The following LHFPL2 variants were observed in gnomAD, a reference collection of about 807,000 sequenced individuals.
LHFPL2 encodes the protein LHFPL tetraspan subfamily member 2 protein.
A neutral mutation model predicts 17.5 loss-of-function variants in LHFPL2; 7 were observed. The observed-to-expected ratio is 0.40, with a 90% CI of 0.23 to 0.75. The LOEUF is 0.75. Ranked by LOEUF, LHFPL2 falls within the 30% of genes least tolerant of loss-of-function variation. The pLI is 0.37. For synonymous variants in LHFPL2, 134 were observed against 116.2 expected, an observed-to-expected ratio of 1.15 and a Z score of -0.99; for missense variants, 241 against 294.8, an observed-to-expected ratio of 0.82 and a Z score of 1.34.
rs913168517 is a variant in LHFPL2 at position 78,600,512 on chromosome 5, T to C, written c.-245+31752A>G. ...GGGAGGCTGAGGCAGGTGGATAACC[T>C]GAGGTCAGGAGTTCAAGACCAGCCT... On this transcript the variant is annotated intron_variant, in intron 2 of 4. Transcript: ENST00000380345. Among the ~76,000 whole-genome samples the C allele has an allele frequency of 7.2e-5, 11 of 152,144 alleles. 1 individual carries two copies. The highest frequency in any genetic ancestry group is 4.4e-5 in the Non-Finnish European group (3 of 68,020).
chr5:78,508,769 TC>T (rs1477574416), intron 4 of LHFPL2, among the ~76,000 whole-genome samples: 1 of 152,226 alleles, frequency 6.6e-6, no homozygotes, highest in African/African-American at 2.4e-5. Context: ...CCTGTGCCCT[TC>T]ATTTAGTGTT....
intron 2 of LHFPL2, among the ~76,000 whole-genome samples, chr5:78,582,515 C>A (rs971691768): frequency 6.6e-6 from 1 of 151,330 alleles, no homozygotes; most frequent in Non-Finnish European, 1.5e-5. Context: ...CAAAGAACAT[C>A]TTTATTTGTG....
intron 3 of LHFPL2, among the ~76,000 whole-genome samples, chr5:78,562,157 G>A (rs185476921): frequency 1.3e-5 from 2 of 152,272 alleles, no homozygotes; most frequent in South Asian, 2.1e-4. Flanking sequence ...CGTATCACAC[G>A]CATTCCCATC....
chr5:78,583,449 C>A (rs1168267842), intron 2 of LHFPL2, among the ~76,000 whole-genome samples: 2 of 149,512 alleles, frequency 1.3e-5, no homozygotes, highest in African/African-American at 4.9e-5. Context: ...TTTAGCGCTT[C>A]CTTCAGGAGC....
chr5:78,635,810 A>G (rs1042778528), intron 1 of LHFPL2, among the ~76,000 whole-genome samples: 3 of 151,988 alleles, frequency 2.0e-5, no homozygotes, highest in Non-Finnish European at 1.5e-5. Context: ...CTCAAAAACA[A>G]ACAAACAAAC....
chr5:78,584,062 C>T (rs2112448839), intron 2 of LHFPL2, among the ~76,000 whole-genome samples: 1 of 152,056 alleles, frequency 6.6e-6, no homozygotes, highest in South Asian at 2.1e-4. Context: ...CCCTTTCTTC[C>T]AGTTGATCGC....
chr5:78,610,253 T>C (rs1214754103), intron 2 of LHFPL2, among the ~76,000 whole-genome samples: 1 of 152,008 alleles, frequency 6.6e-6, no homozygotes, highest in Non-Finnish European at 1.5e-5. Context: ...GAATGCAGGG[T>C]CCTCATTCAG....
At chr5:78,510,955 A>G (rs1755100982) in intron 3 of LHFPL2, among the ~76,000 whole-genome samples, 1 of 150,986 alleles carries the variant, frequency 6.6e-6, no homozygotes. Flanking sequence ...AATTACTAGC[A>G]GAGACATAAG....
chr5:78,582,408 C>G, intron 2 of LHFPL2, among the ~76,000 whole-genome samples: 2 of 149,134 alleles, frequency 1.3e-5, no homozygotes, highest in Non-Finnish European at 1.5e-5. Flanking sequence ...TTCCTGCTTT[C>G]TCTTGTGGGC....
intron 3 of LHFPL2, among the ~76,000 whole-genome samples, chr5:78,556,001 T>A (rs1756563282): frequency 6.6e-6 from 1 of 152,104 alleles, no homozygotes; most frequent in African/African-American, 2.4e-5. Flanking sequence ...CAGAGTGGAA[T>A]CAAAAGTACC....
intron 3 of LHFPL2, among the ~76,000 whole-genome samples, chr5:78,546,212 C>T (rs888875190): frequency 2.0e-5 from 3 of 152,282 alleles, no homozygotes; most frequent in Non-Finnish European, 2.9e-5. Flanking sequence ...CTCTTTTCTA[C>T]GATAAAGATC....
At position 78,538,679 on chromosome 5, in the gene LHFPL2, G is replaced by C. The variant is rs112172489; in HGVS notation, c.-186+26134C>G. ...GCCCATGACACCATCACCTGCATCT[G>C]CTTATTCTTTCCACTGACTCTGAAG... On this transcript the variant is annotated intron_variant, in intron 3 of 4. Transcript: ENST00000380345. Among the ~76,000 whole-genome samples, 955 of 152,278 alleles carry C rather than the reference G, an allele frequency of 6.3e-3. 5 individuals are homozygous for C. Among genetic ancestry groups the C allele is most frequent in the Non-Finnish European group, 0.011 (721 of 68,028 alleles).
chr5:78,591,959 T>C (rs932903574), intron 2 of LHFPL2, among the ~76,000 whole-genome samples: 1 of 152,226 alleles, frequency 6.6e-6, no homozygotes, highest in East Asian at 1.9e-4. Context: ...TGAGAACTGA[T>C]TCCTAGAGAC....
intron 3 of LHFPL2, among the ~76,000 whole-genome samples, chr5:78,536,231 G>A (rs748968258): frequency 6.6e-6 from 1 of 152,172 alleles, no homozygotes; most frequent in Non-Finnish European, 1.5e-5. Flanking sequence ...CGTACCAAGT[G>A]GGGCTTGGCC....
intron 3 of LHFPL2, among the ~76,000 whole-genome samples, chr5:78,515,270 C>T (rs562834407): frequency 5.3e-5 from 8 of 152,236 alleles, no homozygotes; most frequent in African/African-American, 1.9e-4. Flanking sequence ...CCTATTCCAC[C>T]CCATCCCAAT....
At chr5:78,556,919 A>G (rs999297211) in intron 3 of LHFPL2, among the ~76,000 whole-genome samples, 2 of 151,700 alleles carry the variant, frequency 1.3e-5, no homozygotes, top group African/African-American at 2.4e-5. Flanking sequence ...GGTGATTTTG[A>G]TAACTGGGGG....
At chr5:78,620,561 C>T (rs1744815622) in intron 2 of LHFPL2, among the ~76,000 whole-genome samples, 1 of 152,160 alleles carries the variant, frequency 6.6e-6, no homozygotes, top group South Asian at 2.1e-4. Flanking sequence ...CAATTCTGCC[C>T]TCTTCCACAC....
At chr5:78,574,939 G>A (rs1757091254) in intron 2 of LHFPL2, among the ~76,000 whole-genome samples, 1 of 152,170 alleles carries the variant, frequency 6.6e-6, no homozygotes, top group African/African-American at 2.4e-5. Flanking sequence ...CTGGCTGTCA[G>A]AGCAGGAAGG....
intron 3 of LHFPL2, chr5:78,549,287 C>T (rs997820330): frequency 1.3e-5 from 2 of 152,262 alleles, no homozygotes; most frequent in Non-Finnish European, 2.9e-5. Context: ...TGGAAGTAGT[C>T]AGACCCTTTG....
Sources: gnomAD v4.1 joint callset for allele counts (sites outside exome capture counted in the v4.1 genomes callset) on GRCh38, gnomAD v4.1.1 for gene constraint, MANE v1.5 for transcripts, NCBI Gene and HGNC (gene_info 2026-07-23, HGNC 2026-07-21) for gene names.